The following NUP155 variants were observed in gnomAD, a reference collection of about 807,000 sequenced individuals.
NUP155 encodes nuclear pore complex protein Nup155.
NUP155 carries 71 observed loss-of-function variants against 180.4 expected under a neutral mutation model. The ratio of observed to expected loss-of-function variants is 0.39; its 90% CI spans 0.33 to 0.48. The LOEUF (loss-of-function observed/expected upper bound fraction) is 0.48. NUP155 is among the 20% of genes least tolerant of loss of function. NUP155 has a pLI of 0.91. For missense variants in NUP155, 1,553 were observed against 1,648.9 expected (o/e 0.94, Z 1.01); for synonymous variants, 582 against 559.5 (o/e 1.04, Z -0.57).
Position 37,310,659 on chromosome 5 carries a change from G to A in NUP155, c.2521C>T (p.Leu841Phe), listed in dbSNP as rs765823901. The A allele has an allele frequency of 8.1e-6, 13 of 1,613,816 alleles. No homozygotes were observed. The highest frequency in any genetic ancestry group is 1.7e-4 in the Middle Eastern group (1 of 6,058). ...TTATCTCTGATGTAGCAGTTGATAAGAGAAGCAATTAATGCCCCTGTGAGT... is the reference window on the plus strand; with the variant it reads ...TTATCTCTGATGTAGCAGTTGATAAAAGAAGCAATTAATGCCCCTGTGAGT... Reference protein sequence around the residue: ...KELTGALIASLINCYIRDNAA... With the variant: ...KELTGALIASFINCYIRDNAA... The change falls in exon 23 of 35, where the codon CTT becomes TTT. Residue 841 changes from leucine to phenylalanine, a missense_variant. By Grantham distance (22) the Leu-to-Phe change is conservative (BLOSUM62 0). Transcript: ENST00000231498.
intron 32 of NUP155, among the ~76,000 whole-genome samples, chr5:37,296,127 T>A (rs1352830224): frequency 5.3e-5 from 8 of 151,268 alleles, no homozygotes; most frequent in African/African-American, 1.2e-4. Flanking sequence ...CCGCCCCTAC[T>A]GGGAAGTGAG....
intron 23 of NUP155, among the ~76,000 whole-genome samples, chr5:37,310,120 C>A (rs1366438926): frequency 1.3e-5 from 2 of 152,114 alleles, no homozygotes; most frequent in Non-Finnish European, 2.9e-5. Flanking sequence ...AGGAGGATCA[C>A]TTGAAGCCAA....
intron 13 of NUP155, among the ~76,000 whole-genome samples, chr5:37,333,135 A>ACCTGAGATCCG (rs1284532907): frequency 1.3e-5 from 2 of 152,012 alleles, no homozygotes; most frequent in Non-Finnish European, 2.9e-5. Context: ...CAGGCGGACC[A>ACCTGAGATCCG]CCTGAGATCA....
intron 12 of NUP155, among the ~76,000 whole-genome samples, chr5:37,335,321 T>C (rs930671476): frequency 4.3e-5 from 5 of 117,494 alleles, no homozygotes; most frequent in Admixed American, 3.1e-4. Flanking sequence ...TTTGAGGCTA[T>C]AGTGAGCTAT....
intron 23 of NUP155, among the ~76,000 whole-genome samples, chr5:37,309,946 G>A (rs1368181690): frequency 6.6e-6 from 1 of 152,030 alleles, no homozygotes; most frequent in African/African-American, 2.4e-5. Context: ...TATTTGGGAG[G>A]CCGAGGCAGG....
Position 37,299,573 on chromosome 5 carries a change from G to A in NUP155, c.3562-5C>T. The A allele has an allele frequency of 1.2e-6, 2 of 1,613,852 alleles. No individual in the cohort carries two copies. Among genetic ancestry groups the A allele is most frequent in the Non-Finnish European group, 1.7e-6 (2 of 1,179,872 alleles). ...GTCAGCAAATTCCCCATAAAGCTGT[G>A]AGAGAAAATCCCAAAATTAACATCC... On this transcript the variant is annotated splice_polypyrimidine_tract_variant and splice_region_variant and intron_variant, in intron 30 of 34. Transcript: ENST00000231498.
chr5:37,335,739 T>C (rs1191555911), intron 12 of NUP155, among the ~76,000 whole-genome samples: 1 of 151,938 alleles, frequency 6.6e-6, no homozygotes, highest in East Asian at 1.9e-4. Context: ...CCCTTAAGCT[T>C]AGGAATTCGA....
At chr5:37,294,023 A>AAAAAAAAAATAAAAAT (rs1561762459) in intron 33 of NUP155, among the ~76,000 whole-genome samples, 1 of 76,142 alleles carries the variant, frequency 1.3e-5, no homozygotes, top group African/African-American at 3.8e-4. Context: ...AAAAAAAAAA[A>AAAAAAAAAATAAAAAT]AAAAATAAAG....
At position 37,342,568 on chromosome 5, in the gene NUP155, T is replaced by C. The variant is rs1198858055; in HGVS notation, c.1074A>G (p.Leu358=). 1 of 1,610,964 alleles carries C rather than the reference T, an allele frequency of 6.2e-7. No individual in the cohort carries two copies. The highest frequency in any genetic ancestry group is 8.5e-7 in the Non-Finnish European group (1 of 1,177,196). The part of the protein sequence containing the change: ...IENSESLDCQ[L]LAVTHAGVRL... ...ACATACCTGCATGTGTGACAGCCAA[T>C]AACTGACAGTCCAGTGATTCAGAAT... The change falls in exon 10 of 35, where the codon TTA becomes TTG. Residue 358 remains leucine (L), a synonymous_variant. Transcript: ENST00000231498.
intron 11 of NUP155, among the ~76,000 whole-genome samples, chr5:37,338,467 C>A (rs909857404): frequency 1.4e-5 from 2 of 145,268 alleles, no homozygotes; most frequent in African/African-American, 2.6e-5. Context: ...AGTGCAGTGG[C>A]GCGATCTCGG....
rs758579403 is a variant in NUP155, at chr5:37,352,729, T to G, written c.556+8A>C. On this transcript the variant is annotated splice_region_variant and intron_variant, in intron 5 of 34. Coordinates refer to ENST00000231498, the MANE Select transcript of NUP155 (RefSeq NM_153485.3). ...TTTTAAAAAACGTTAACATGTGGGTTGCCATACCTGTTTGCAAATTAGCAT... is the reference window on the plus strand; with the variant it reads ...TTTTAAAAAACGTTAACATGTGGGTGGCCATACCTGTTTGCAAATTAGCAT... 1 of 1,591,774 alleles carries G rather than the reference T, an allele frequency of 6.3e-7. No homozygotes were observed. The highest frequency in any genetic ancestry group is 8.6e-7 in the Non-Finnish European group (1 of 1,159,884).
At chr5:37,300,807 C>G (rs1250841081) in intron 30 of NUP155, among the ~76,000 whole-genome samples, 2 of 151,604 alleles carry the variant, frequency 1.3e-5, no homozygotes, top group Non-Finnish European at 2.9e-5. Context: ...AACCACACAC[C>G]ACCACACCTG....
intron 11 of NUP155, among the ~76,000 whole-genome samples, chr5:37,338,409 TC>T (rs1225144818): frequency 6.7e-6 from 1 of 148,900 alleles, no homozygotes; most frequent in Non-Finnish European, 1.5e-5. Flanking sequence ...ACAACATCAA[TC>T]TTTTTTTTTT....
chr5:37,305,492 G>A (rs552358479), intron 25 of NUP155, among the ~76,000 whole-genome samples: 14 of 152,226 alleles, frequency 9.2e-5, no homozygotes, highest in Non-Finnish European at 1.3e-4. Flanking sequence ...GACCAGCCTG[G>A]CCAACCTGGT....
At chr5:37,366,947 G>C (rs1333144874) in intron 1 of NUP155, among the ~76,000 whole-genome samples, 2 of 152,144 alleles carry the variant, frequency 1.3e-5, no homozygotes, top group African/African-American at 4.8e-5. Flanking sequence ...ACCGTGCCCG[G>C]CCGGTCTCAA....
intron 10 of NUP155, 121 bp downstream of exon 10, chr5:37,342,428 T>C: frequency 1.5e-6 from 1 of 659,122 alleles, no homozygotes; most frequent in Non-Finnish European, 2.7e-6. Flanking sequence ...TTTTACAAAC[T>C]ATTTATATGG....
chr5:37,351,293 G>A lies in NUP155; in HGVS notation c.620C>T (p.Ser207Phe). The change falls in exon 6 of 35, where the codon TCT becomes TTT. Residue 207 changes from serine (S) to phenylalanine (F), a missense_variant. Physicochemically the swap from Ser to Phe is radical, Grantham distance 155. Coordinates refer to ENST00000231498, the MANE Select transcript of NUP155 (RefSeq NM_153485.3). ...AAGGTAAGTATTATCAGTAGGAAGA[G>A]AATATAAAGGATCTGGAAGCAACTG... ...GMQLLPDPLY[S>F]LPTDNTYLLT... 1.9e-6 allele frequency: 3 copies of A among 1,611,840 alleles called. No homozygotes were observed. The highest frequency in any genetic ancestry group is 2.5e-6 in the Non-Finnish European group (3 of 1,178,118).
chr5:37,336,521 G>A (rs1367200313), intron 12 of NUP155, among the ~76,000 whole-genome samples: 6 of 152,056 alleles, frequency 3.9e-5, no homozygotes, highest in African/African-American at 1.2e-4. Context: ...TTACACACAT[G>A]AGCTCATTTA....
rs1742102866 is a variant in NUP155, at chr5:37,288,351, A to G, written c.*3549T>C. ...TACCCTGAGGAATACTTTTGAGATC[A>G]GTGGATAGGTGTTCAATGAATAAGT... On this transcript the variant is annotated 3_prime_UTR_variant, in exon 35 of 35. Coordinates refer to ENST00000231498, the MANE Select transcript of NUP155 (RefSeq NM_153485.3). The G allele has an allele frequency of 6.6e-6, 1 of 152,194 alleles. No individual in the cohort carries two copies. Among genetic ancestry groups the G allele is most frequent in the African/African-American group, 2.4e-5 (1 of 41,450 alleles). The allele number at this position is 152,194 out of a possible 1,614,324, so 9.4% of individuals were successfully genotyped here. A position where few individuals can be genotyped will look rare whatever the true frequency, so the allele number is the denominator to read the frequency against.
Sources: gnomAD v4.1 joint callset for allele counts (sites outside exome capture counted in the v4.1 genomes callset) on GRCh38, gnomAD v4.1.1 for gene constraint, MANE v1.5 for transcripts, NCBI Gene and HGNC (gene_info 2026-07-23, HGNC 2026-07-21) for gene names.